ZNF722: variants seen among roughly 807,000 people sequenced by gnomAD.
ZNF722 encodes zinc finger protein 722.
At chr7:64,000,234 G>A in the ZNF722 span, among the ~76,000 whole-genome samples, 4 of 150,404 alleles carry the variant, frequency 2.7e-5, no homozygotes, top group Non-Finnish European at 5.9e-5. Context: ...ATGTTCATGC[G>A]ATTCTCCTGC....
At chr7:64,012,621 G>A in the ZNF722 span, among the ~76,000 whole-genome samples, 1 of 152,124 alleles carries the variant, frequency 6.6e-6, no homozygotes, top group South Asian at 2.1e-4. Context: ...CTGATCTTTT[G>A]AAATTTACTA....
the ZNF722 span, among the ~76,000 whole-genome samples, chr7:64,016,929 A>T: frequency 3.9e-5 from 6 of 152,220 alleles, no homozygotes; most frequent in Admixed American, 3.3e-4. Flanking sequence ...GAAGAAAACT[A>T]CAAATATGAA....
chr7:63,999,938 C>T, the ZNF722 span, among the ~76,000 whole-genome samples: 3 of 152,136 alleles, frequency 2.0e-5, no homozygotes, highest in Admixed American at 1.3e-4. Context: ...TGAAGTGATC[C>T]GCCCATCTTG....
At chr7:64,015,782 C>A in the ZNF722 span, 1 of 1,611,704 alleles carries the variant, frequency 6.2e-7, no homozygotes, top group African/African-American at 1.3e-5. Flanking sequence ...GCTCCTCAAC[C>A]CTTAAGACAC....
the ZNF722 span, among the ~76,000 whole-genome samples, chr7:64,003,438 G>T: frequency 4.3e-4 from 66 of 152,154 alleles, no homozygotes; most frequent in Non-Finnish European, 7.2e-4. Context: ...GGTTTGATAT[G>T]TCCAGAGCAT....
the ZNF722 span, chr7:64,016,106 C>A: frequency 1.9e-6 from 1 of 527,442 alleles, no homozygotes; most frequent in Non-Finnish European, 3.3e-6. Flanking sequence ...TTTGACCAAC[C>A]CTCAAACCTT....
At chr7:64,013,923 G>C in the ZNF722 span, among the ~76,000 whole-genome samples, 1 of 151,622 alleles carries the variant, frequency 6.6e-6, no homozygotes, top group East Asian at 1.9e-4. Context: ...TCACAATGAA[G>C]ATTCTTTTTC....
chr7:63,999,572 T>C, the ZNF722 span, among the ~76,000 whole-genome samples: 2 of 152,342 alleles, frequency 1.3e-5, no homozygotes, highest in Non-Finnish European at 2.9e-5. Flanking sequence ...GGTACAGTTA[T>C]GTAGTTTCCT....
chr7:64,011,211 A>G, the ZNF722 span, among the ~76,000 whole-genome samples: 3 of 151,978 alleles, frequency 2.0e-5, no homozygotes, highest in Non-Finnish European at 2.9e-5. Flanking sequence ...CCAATTTGCC[A>G]GTGTGTGTCT....
chr7:63,998,908 G>T, the ZNF722 span: 1 of 1,467,160 alleles, frequency 6.8e-7, no homozygotes, highest in Non-Finnish European at 9.3e-7. Flanking sequence ...TGCATTCTCT[G>T]CTCCTAGAGG....
the ZNF722 span, chr7:64,015,458 T>G: frequency 6.2e-7 from 1 of 1,610,060 alleles, no homozygotes; most frequent in Middle Eastern, 1.7e-4. Flanking sequence ...GTACTACACA[T>G]AAAAGAATTC....
chr7:64,015,437 C>T, the ZNF722 span: 2 of 1,597,134 alleles, frequency 1.3e-6, no homozygotes, highest in Non-Finnish European at 1.7e-6. Flanking sequence ...CCTTTAAACG[C>T]TCCTCAAACT....
chr7:64,000,279 C>T, the ZNF722 span, among the ~76,000 whole-genome samples: 5 of 150,616 alleles, frequency 3.3e-5, no homozygotes, highest in South Asian at 2.1e-4. Flanking sequence ...TACAGGCATG[C>T]GTCACCACCC....
At chr7:64,013,694 C>T in the ZNF722 span, among the ~76,000 whole-genome samples, 14 of 151,830 alleles carry the variant, frequency 9.2e-5, no homozygotes, top group African/African-American at 2.7e-4. Flanking sequence ...AATAATGCCA[C>T]GGAATTTTAT....
chr7:64,017,449 T>C, the ZNF722 span, among the ~76,000 whole-genome samples: 8 of 152,148 alleles, frequency 5.3e-5, no homozygotes, highest in Non-Finnish European at 1.2e-4. Flanking sequence ...ATATAGGCCT[T>C]TAAAGTAAAG....
chr7:64,004,425 A>ATATATATATATATATATATAT, the ZNF722 span, among the ~76,000 whole-genome samples: 1 of 61,120 alleles, frequency 1.6e-5, no homozygotes, highest in African/African-American at 8.0e-5. Flanking sequence ...AAAAAAAAAA[A>ATATATATATATATATATATAT]ATATATATAT....
the ZNF722 span, among the ~76,000 whole-genome samples, chr7:64,008,368 T>C: frequency 2.0e-5 from 3 of 152,226 alleles, no homozygotes; most frequent in African/African-American, 7.2e-5. Context: ...AGGGTTTTTA[T>C]GGTTTTAGAT....
chr7:64,017,379 A>C, the ZNF722 span, among the ~76,000 whole-genome samples: 1 of 152,194 alleles, frequency 6.6e-6, no homozygotes, highest in Admixed American at 6.5e-5. Context: ...GCAAGACTCC[A>C]TCTCAAAAAA....
chr7:64,015,409 G>A, the ZNF722 span: 1 of 1,564,328 alleles, frequency 6.4e-7, no homozygotes, highest in Middle Eastern at 1.7e-4. Flanking sequence ...TCCTACAAAT[G>A]TGAAGAATGC....
Sources: allele counts gnomAD v4.1 joint callset (sites outside exome capture counted in the v4.1 genomes callset), GRCh38; gene constraint gnomAD v4.1.1; transcripts MANE v1.5; gene names NCBI Gene and HGNC (gene_info 2026-07-23, HGNC 2026-07-21).